CFAP20DC: variants seen among roughly 807,000 people sequenced by gnomAD.
The protein encoded by CFAP20DC is protein CFAP20DC.
Under a neutral mutation model 101.7 loss-of-function variants are expected in CFAP20DC, and 84 were observed. The ratio of observed to expected loss-of-function variants is 0.83; its 90% confidence interval spans 0.69 to 0.99. The LOEUF is 0.99. Among genes scored for constraint, CFAP20DC ranks in the 50% least tolerant of loss-of-function variants. The probability of loss-of-function intolerance (pLI) is 0.00; values close to 1 mark genes in which losing one functional copy is unlikely to be tolerated. For synonymous variants in CFAP20DC, 359 were observed against 351.2 expected (o/e 1.02, Z -0.25); for missense variants, 1,007 against 970.3 (o/e 1.04, Z -0.50).
At chr3:58,921,048 T>C (rs984593576) in intron 5 of CFAP20DC, among the ~76,000 whole-genome samples, 2 of 152,182 alleles carry the variant, frequency 1.3e-5, no homozygotes, top group Non-Finnish European at 2.9e-5. Flanking sequence ...TTATCTAAGT[T>C]GTCAAATTCA....
intron 15 of CFAP20DC, among the ~76,000 whole-genome samples, chr3:58,804,480 A>C (rs1387937298): frequency 6.6e-6 from 1 of 151,354 alleles, no homozygotes. Context: ...CTTGTGCCTC[A>C]GCCTCCTGAG....
chr3:58,913,815 T>A lies in CFAP20DC; in HGVS notation c.443A>T (p.Lys148Met), dbSNP rs1365222749. ...ATCCAATGACTGGAAAACTGCCCCC[T>A]TGAATATTTCACTGGTGAATGCTAC... ...DLVAFTSEIF[K>M]GAVFQSLDGI... Residue 148 changes from lysine (K) to methionine (M), a missense_variant, in exon 6 of 17, where the codon AAG becomes ATG. Lys to Met is a moderately conservative substitution (Grantham distance 95, BLOSUM62 -1). Coordinates refer to ENST00000482387, the MANE Select transcript of CFAP20DC (RefSeq NM_001394063.1). This position sits in a 1 kb window ranked among gnomAD's most constrained non-coding sequence, Gnocchi z 4.4. 1 of 1,613,650 alleles carries A rather than the reference T, an allele frequency of 6.2e-7. No homozygotes were observed. Among genetic ancestry groups the A allele is most frequent in the Admixed American group, 1.7e-5 (1 of 59,910 alleles).
chr3:58,843,162 A>C (rs964337733), intron 13 of CFAP20DC, among the ~76,000 whole-genome samples: 2 of 152,222 alleles, frequency 1.3e-5, no homozygotes, highest in Non-Finnish European at 2.9e-5. Context: ...AGCTGGATGG[A>C]GAATGACTTT....
intron 13 of CFAP20DC, among the ~76,000 whole-genome samples, chr3:58,836,741 G>C (rs969284619): frequency 6.6e-6 from 1 of 151,762 alleles, no homozygotes; most frequent in African/African-American, 2.4e-5. Context: ...AAGGACTATC[G>C]AACAATCTCC....
intron 4 of CFAP20DC, among the ~76,000 whole-genome samples, chr3:58,995,899 G>A (rs897977574): frequency 2.0e-5 from 3 of 152,036 alleles, no homozygotes; most frequent in Admixed American, 6.5e-5. Context: ...TGGTTCTTCT[G>A]ACTTTTCAGC....
chr3:58,968,668 C>G (rs904645375), intron 4 of CFAP20DC, among the ~76,000 whole-genome samples: 1 of 152,112 alleles, frequency 6.6e-6, no homozygotes, highest in Admixed American at 6.6e-5. Flanking sequence ...TGTCTGCTCA[C>G]CCTGCTGATA....
intron 12 of CFAP20DC, among the ~76,000 whole-genome samples, chr3:58,855,136 A>C (rs1405589692): frequency 1.3e-5 from 2 of 151,994 alleles, no homozygotes; most frequent in Non-Finnish European, 2.9e-5. Context: ...AAACAAATTT[A>C]CCAGAAAAAA....
chr3:59,007,907 T>C lies in CFAP20DC; in HGVS notation c.278+31650A>G, dbSNP rs2093476109. On this transcript the variant is annotated intron_variant, in intron 4 of 16. Coordinates refer to ENST00000482387, the MANE Select transcript of CFAP20DC (RefSeq NM_001394063.1). The surrounding 1 kb of genome is among the most constrained non-coding windows in gnomAD (Gnocchi z 4.4). Reference sequence around the variant, plus strand: ...GATCTTTCCACTGGTAGGTAGTTTCTCATAGCAGAGAAACAATTGCAATGT... The same window carrying C: ...GATCTTTCCACTGGTAGGTAGTTTCCCATAGCAGAGAAACAATTGCAATGT... 6.6e-6 allele frequency among the ~76,000 whole-genome samples: 1 copy of C among 152,128 alleles called. No homozygotes were observed. The highest frequency in any genetic ancestry group is 1.5e-5 in the Non-Finnish European group (1 of 68,018).
chr3:58,837,568 A>T (rs1350692286), intron 13 of CFAP20DC, among the ~76,000 whole-genome samples: 1 of 152,206 alleles, frequency 6.6e-6, no homozygotes, highest in Non-Finnish European at 1.5e-5. Flanking sequence ...ACTCATCAAC[A>T]TACAGGCTTA....
At chr3:58,748,038 C>G (rs527429353) in intron 16 of CFAP20DC, among the ~76,000 whole-genome samples, 2 of 152,074 alleles carry the variant, frequency 1.3e-5, no homozygotes, top group African/African-American at 4.8e-5. Context: ...CTATATTTTA[C>G]TTGGAAAATG....
chr3:58,800,161 G>GC lies in CFAP20DC; in HGVS notation c.2237+6233dup, dbSNP rs749572460. Among the ~76,000 whole-genome samples, 8 of 152,160 alleles carry GC rather than the reference G, an allele frequency of 5.3e-5. No individual in the cohort carries two copies. In the South Asian group the frequency reaches 1.0e-3, roughly 20 times the overall value. ...AAACCACTGGGAAGTTTTACAAGGG[G>GC]CAATGCCTGCATCTGATTGAGGCCT... is the stretch of plus-strand genomic sequence containing the variant. On this transcript the variant is annotated intron_variant, in intron 15 of 16. Transcript: ENST00000482387.
intron 6 of CFAP20DC, among the ~76,000 whole-genome samples, chr3:58,901,466 C>A (rs760546979): frequency 3.3e-5 from 5 of 151,978 alleles, no homozygotes; most frequent in Admixed American, 2.0e-4. Flanking sequence ...ATCATGGACA[C>A]AAAAATAATA....
intron 7 of CFAP20DC, among the ~76,000 whole-genome samples, chr3:58,881,700 T>A (rs1283353193): frequency 6.6e-6 from 1 of 152,116 alleles, no homozygotes; most frequent in Non-Finnish European, 1.5e-5. Context: ...GCATTCATAA[T>A]AAAATATCAC....
intron 4 of CFAP20DC, among the ~76,000 whole-genome samples, chr3:58,988,853 A>G (rs1334375344): frequency 2.6e-5 from 4 of 152,170 alleles, no homozygotes; most frequent in Admixed American, 2.6e-4. Context: ...TGCAAATGGA[A>G]GCCTGAAGAA....
chr3:58,818,497 T>C (rs1017744605), intron 14 of CFAP20DC, among the ~76,000 whole-genome samples: 1 of 151,446 alleles, frequency 6.6e-6, no homozygotes, highest in African/African-American at 2.4e-5. Context: ...AATCCTAGTC[T>C]CTGATAAAAC....
chr3:58,865,544 C>T (rs1382779263), intron 11 of CFAP20DC, among the ~76,000 whole-genome samples: 3 of 152,090 alleles, frequency 2.0e-5, no homozygotes, highest in African/African-American at 4.8e-5. Context: ...GGCATATGGT[C>T]CTGAGTCACT....
intron 4 of CFAP20DC, among the ~76,000 whole-genome samples, chr3:58,994,595 T>G (rs369834675): frequency 1.4e-3 from 209 of 152,296 alleles, no homozygotes; most frequent in African/African-American, 4.7e-3. Flanking sequence ...TCCCCCAGTT[T>G]TTCCCACACT....
intron 14 of CFAP20DC, among the ~76,000 whole-genome samples, chr3:58,819,151 G>A (rs1253079986): frequency 6.8e-6 from 1 of 146,310 alleles, no homozygotes; most frequent in South Asian, 2.3e-4. Flanking sequence ...AATGTGTAGA[G>A]GGAAATTTAT....
In CFAP20DC at chr3:58,964,603, T is replaced by G. The variant is rs1190728066; in HGVS notation, c.279-26841A>C. Among the ~76,000 whole-genome samples the G allele has an allele frequency of 6.6e-6, 1 of 152,232 alleles. No homozygotes were observed. Among genetic ancestry groups the G allele is most frequent in the African/African-American group, 2.4e-5 (1 of 41,464 alleles). On this transcript the variant is annotated intron_variant, in intron 4 of 16. Coordinates refer to ENST00000482387, the MANE Select transcript of CFAP20DC (RefSeq NM_001394063.1). This position sits in a 1 kb window ranked among gnomAD's most constrained non-coding sequence, Gnocchi z 4.1. ...AGAAATAAAGTTCTCTTTTCTAGAC[T>G]TATAAATGCTGTGATTTTTAAGTTA...
Sources: gnomAD v4.1 joint callset for allele counts (sites outside exome capture counted in the v4.1 genomes callset) on GRCh38, gnomAD v4.1.1 for gene constraint, Gnocchi (gnomAD v3.1) non-coding constraint, MANE v1.5 for transcripts, NCBI Gene and HGNC (gene_info 2026-07-23, HGNC 2026-07-21) for gene names.